The following DHRS4 variants were observed in gnomAD, a reference collection of about 807,000 sequenced individuals.
DHRS4 encodes the protein dehydrogenase/reductase 4, also known as dehydrogenase/reductase SDR family member 4.
In DHRS4, 20 loss-of-function variants were observed where a neutral mutation model predicts 28.4. That is an observed-to-expected ratio of 0.71 (90% CI 0.50 to 1.02). The LOEUF (loss-of-function observed/expected upper bound fraction) is 1.02, where lower values mean the gene tolerates loss of function less well. Ranked by LOEUF, DHRS4 falls within the 50% of genes least tolerant of loss-of-function variation. The probability of loss-of-function intolerance (pLI) is 0.00; values close to 1 mark genes in which losing one functional copy is unlikely to be tolerated. For synonymous variants in DHRS4, 144 were observed against 146.4 expected (o/e 0.98, Z 0.12); for missense variants, 378 against 367.2 (o/e 1.03, Z -0.24).
In DHRS4 at chr14:23,961,163, A is replaced by T. The variant is rs370073365; in HGVS notation, c.408+1160A>T. Among the ~76,000 whole-genome samples, 103 of 151,162 alleles carry T rather than the reference A, an allele frequency of 6.8e-4. 2 individuals carry two copies. Among genetic ancestry groups the T allele is most frequent in the African/African-American group, 2.4e-3 (99 of 40,550 alleles). On this transcript the variant is annotated intron_variant, in intron 3 of 7. Transcript: ENST00000313250. ...CTTAGAGGGGACAAACTTACCAACTATATCAGATGTCATCAAAATTTCTCA... is the reference window on the plus strand; with the variant it reads ...CTTAGAGGGGACAAACTTACCAACTTTATCAGATGTCATCAAAATTTCTCA...
chr14:23,968,977 C>T lies in DHRS4; in HGVS notation c.*106C>T, dbSNP rs1443729755. ...CCTCTGCTCACCTTACTGTTCACCT[C>T]ATCAAATCAGTTCTGCCCTGTGAAA... On this transcript the variant is annotated 3_prime_UTR_variant, in exon 8 of 8. Transcript: ENST00000313250. 1 of 1,424,602 alleles carries T rather than the reference C, an allele frequency of 7.0e-7. No individual in the cohort carries two copies. The highest frequency in any genetic ancestry group is 9.4e-7 in the Non-Finnish European group (1 of 1,065,440). 88.2% of individuals were successfully genotyped at this position (1,424,602 alleles called of 1,614,324 possible).
At chr14:23,954,641 G>A (rs1479204324) in intron 1 of DHRS4, among the ~76,000 whole-genome samples, 1 of 152,222 alleles carries the variant, frequency 6.6e-6, no homozygotes, top group African/African-American at 2.4e-5. Context: ...ATAGAATTTT[G>A]AGAATGATGT....
At position 23,963,561 on chromosome 14, in the gene DHRS4, T is replaced by C. The variant is rs1476354753; in HGVS notation, c.409-2201T>C. Among the ~76,000 whole-genome samples the C allele has an allele frequency of 4.0e-5, 6 of 149,254 alleles. 1 individual carries two copies. Among genetic ancestry groups the C allele is most frequent in the African/African-American group, 1.3e-4 (5 of 39,740 alleles). On this transcript the variant is annotated intron_variant, in intron 3 of 7. Transcript: ENST00000313250. The stretch of plus-strand genomic sequence containing the variant: ...CAAAGAATTAAAAATTAGGGCCTTT[T>C]ACTGATTAGGCTTTGGCTTAAGGGA...
At chr14:23,966,813 G>C (rs2033639392) in intron 6 of DHRS4, among the ~76,000 whole-genome samples, 1 of 152,290 alleles carries the variant, frequency 6.6e-6, no homozygotes, top group Non-Finnish European at 1.5e-5. Context: ...CAGTTACCAT[G>C]AGGATGGGCA....
In DHRS4 at chr14:23,969,232, A is replaced by C. The variant is rs560763735; in HGVS notation, c.*361A>C. ...GCAGAGTTGCAAATTAACAACTTGC[A>C]AATGAGGTGCAAATAAAATGCAGAT... On this transcript the variant is annotated 3_prime_UTR_variant, in exon 8 of 8. Coordinates refer to ENST00000313250, the MANE Select transcript of DHRS4 (RefSeq NM_021004.4). 1 of 246,050 alleles carries C rather than the reference A, an allele frequency of 4.1e-6. No individual in the cohort carries two copies. Among genetic ancestry groups the C allele is most frequent in the African/African-American group, 2.3e-5 (1 of 43,304 alleles). The allele number at this position is 246,050 out of a possible 1,614,324, so 15.2% of individuals were successfully genotyped here.
intron 2 of DHRS4, among the ~76,000 whole-genome samples, chr14:23,956,976 TG>T (rs1028022252): frequency 6.0e-4 from 92 of 152,296 alleles, no homozygotes; most frequent in African/African-American, 1.8e-3. Flanking sequence ...TACACACCCT[TG>T]TAGCAAATAA....
chr14:23,962,116 T>TA (rs1380923778), intron 3 of DHRS4, among the ~76,000 whole-genome samples: 1 of 94,526 alleles, frequency 1.1e-5, no homozygotes, highest in Non-Finnish European at 2.1e-5. Context: ...ACTTTATTGC[T>TA]AAAAAAATGC....
intron 3 of DHRS4, among the ~76,000 whole-genome samples, chr14:23,960,271 C>A (rs1285458478): frequency 6.6e-6 from 1 of 152,014 alleles, no homozygotes; most frequent in South Asian, 2.1e-4. Context: ...CAGGCTTTTT[C>A]CCTGGCATGC....
intron 7 of DHRS4, 117 bp from the exon 8 acceptor site, chr14:23,968,640 A>C: frequency 1.3e-6 from 2 of 1,529,622 alleles, no homozygotes; most frequent in Non-Finnish European, 1.8e-6. Flanking sequence ...TTGTACACTG[A>C]CCCTGAAAAA....
At chr14:23,967,095 A>C in intron 6 of DHRS4, 116 bp from the exon 7 acceptor site, 2 of 1,232,796 alleles carry the variant, frequency 1.6e-6, no homozygotes. Context: ...CGGAGTTTGC[A>C]GTGAGCCAAG....
At chr14:23,968,647 A>C in intron 7 of DHRS4, 110 bp from the exon 8 acceptor site, 1 of 1,540,564 alleles carries the variant, frequency 6.5e-7, no homozygotes, top group African/African-American at 1.4e-5. Flanking sequence ...CTGACCCTGA[A>C]AAAGCCATCT....
chr14:23,958,601 C>A (rs992065162), intron 2 of DHRS4, among the ~76,000 whole-genome samples: 24 of 152,158 alleles, frequency 1.6e-4, no homozygotes, highest in African/African-American at 5.6e-4. Context: ...TTTCATGCCT[C>A]CAGGTCAAAA....
In DHRS4 at chr14:23,961,866, G is replaced by C. The variant is rs199513622; in HGVS notation, c.408+1863G>C. 8.7e-4 allele frequency among the ~76,000 whole-genome samples: 128 copies of C among 146,452 alleles called. 3 individuals carry two copies. Among genetic ancestry groups the C allele is most frequent in the East Asian group, 5.2e-3 (25 of 4,768 alleles). On this transcript the variant is annotated intron_variant, in intron 3 of 7. Coordinates refer to ENST00000313250, the MANE Select transcript of DHRS4 (RefSeq NM_021004.4). ...GCATCATTCATGAACAGTCTGAATA[G>C]AGACCATATGAAAGTCAGTTTTAAA... is the stretch of plus-strand genomic sequence containing the variant.
Position 23,966,418 on chromosome 14 carries a change from G to A in DHRS4, c.666+1G>A. On this transcript the variant is annotated splice_donor_variant, in intron 6 of 7. Transcript: ENST00000313250. LOFTEE classifies it high-confidence loss of function. ...TATCAAGACTAGCTTCAGCAGGATG[G>A]TGAGGAAGGGGAGCTTTGCATTTGA... The A allele has an allele frequency of 6.2e-7, 1 of 1,613,620 alleles. No individual in the cohort carries two copies. Among genetic ancestry groups the A allele is most frequent in the Non-Finnish European group, 8.5e-7 (1 of 1,179,886 alleles).
intron 5 of DHRS4, 120 bp from the exon 6 acceptor site, chr14:23,966,163 T>C: frequency 6.3e-6 from 10 of 1,576,290 alleles, no homozygotes; most frequent in Non-Finnish European, 8.6e-6. Context: ...ACAAGACAGT[T>C]CCCTAACTCT....
At chr14:23,961,023 T>C (rs907129783) in intron 3 of DHRS4, among the ~76,000 whole-genome samples, 5 of 151,864 alleles carry the variant, frequency 3.3e-5, no homozygotes, top group Non-Finnish European at 5.9e-5. Flanking sequence ...GAGTGAGAAC[T>C]CACTCACTGC....
At chr14:23,954,171 T>TC in intron 1 of DHRS4, 1 of 502,390 alleles carries the variant, frequency 2.0e-6, no homozygotes, top group African/African-American at 2.0e-5. Context: ...CGATCTAGTC[T>TC]CCCCAGTGTT....
chr14:23,960,329 C>T (rs1468962713), intron 3 of DHRS4, among the ~76,000 whole-genome samples: 1 of 151,976 alleles, frequency 6.6e-6, no homozygotes, highest in Non-Finnish European at 1.5e-5. Context: ...GCTAATATGC[C>T]AACAACTACA....
Position 23,961,894 on chromosome 14 carries a change from A to G in DHRS4, c.408+1891A>G, listed in dbSNP as rs181772821. ...ACCATATGAAAGTCAGTTTTAAACT[A>G]AGTACAGGCACGCCTCAGAGATATT... On this transcript the variant is annotated intron_variant, in intron 3 of 7. Transcript: ENST00000313250. Among the ~76,000 whole-genome samples the G allele has an allele frequency of 5.6e-3, 819 of 145,750 alleles. 35 individuals are homozygous for G. Among genetic ancestry groups the G allele is most frequent in the Non-Finnish European group, 8.4e-3 (562 of 66,572 alleles).
Sources: gnomAD v4.1 joint callset for allele counts (sites outside exome capture counted in the v4.1 genomes callset) on GRCh38, gnomAD v4.1.1 for gene constraint, MANE v1.5 for transcripts, NCBI Gene and HGNC (gene_info 2026-07-23, HGNC 2026-07-21) for gene names.